The following CCDC91 variants were observed in gnomAD, a reference collection of about 807,000 sequenced individuals.
CCDC91 encodes coiled-coil domain containing 91.
Under a neutral mutation model 63.2 loss-of-function variants are expected in CCDC91, and 48 were observed. That is an observed-to-expected ratio of 0.76 (90% CI 0.60 to 0.97). The LOEUF (loss-of-function observed/expected upper bound fraction) is 0.97, where lower values mean the gene tolerates loss of function less well. Among genes scored for constraint, CCDC91 ranks in the 50% least tolerant of loss-of-function variants. The probability of loss-of-function intolerance (pLI) is 0.00; values close to 1 mark genes in which losing one functional copy is unlikely to be tolerated. For synonymous variants in CCDC91, 167 were observed against 165.8 expected (o/e 1.01, Z -0.06); for missense variants, 500 against 494.6 (o/e 1.01, Z -0.10).
At chr12:28,428,234 A>C (rs1948433352) in intron 8 of CCDC91, among the ~76,000 whole-genome samples, 1 of 152,114 alleles carries the variant, frequency 6.6e-6, no homozygotes, top group South Asian at 2.1e-4. Flanking sequence ...ATTGTATAAT[A>C]GATATTTTAT....
chr12:28,351,117 A>G (rs1350093325), intron 6 of CCDC91, among the ~76,000 whole-genome samples: 1 of 152,200 alleles, frequency 6.6e-6, no homozygotes, highest in African/African-American at 2.4e-5. Flanking sequence ...ATAAAACATC[A>G]GCTTTACATT....
At chr12:28,338,165 G>A (rs1478810913) in intron 6 of CCDC91, among the ~76,000 whole-genome samples, 3 of 151,916 alleles carry the variant, frequency 2.0e-5, no homozygotes, top group South Asian at 2.1e-4. Flanking sequence ...GTAGGATATG[G>A]TCTTTTATAT....
At chr12:28,433,604 A>G (rs1437142417) in intron 8 of CCDC91, among the ~76,000 whole-genome samples, 16 of 151,944 alleles carry the variant, frequency 1.1e-4, no homozygotes, top group Admixed American at 9.9e-4. Context: ...TTTGATTACT[A>G]TAGCTTTATA....
intron 12 of CCDC91, among the ~76,000 whole-genome samples, chr12:28,545,121 A>T (rs971003288): frequency 2.0e-5 from 3 of 152,022 alleles, no homozygotes; most frequent in Non-Finnish European, 4.4e-5. Flanking sequence ...CTCTATTATG[A>T]AGAGATTTTT....
At chr12:28,432,429 A>G (rs925875728) in intron 8 of CCDC91, among the ~76,000 whole-genome samples, 3 of 151,970 alleles carry the variant, frequency 2.0e-5, no homozygotes. Context: ...TGATGGTTAT[A>G]TAAATGGTAG....
chr12:28,401,812 G>A (rs890726370), intron 8 of CCDC91, among the ~76,000 whole-genome samples: 1 of 152,084 alleles, frequency 6.6e-6, no homozygotes, highest in Non-Finnish European at 1.5e-5. Context: ...CTAACCATAT[G>A]TCACAAAGAT....
chr12:28,450,129 C>T (rs766503385), intron 8 of CCDC91, 32 bp from the exon 9 acceptor site: 8 of 1,256,004 alleles, frequency 6.4e-6, no homozygotes, highest in Non-Finnish European at 3.4e-6. Context: ...TGTCTCAGAG[C>T]CATAATATAA....
intron 3 of CCDC91, among the ~76,000 whole-genome samples, chr12:28,264,585 C>CTGTCTGTGTG (rs1555169638): frequency 2.2e-5 from 3 of 137,258 alleles, no homozygotes; most frequent in Non-Finnish European, 4.6e-5. Context: ...ATATGTCTGT[C>CTGTCTGTGTG]TGTGTGTGTG....
intron 7 of CCDC91, among the ~76,000 whole-genome samples, chr12:28,389,213 C>T (rs1023729641): frequency 2.0e-5 from 3 of 152,090 alleles, no homozygotes; most frequent in African/African-American, 7.2e-5. Flanking sequence ...AACTTTCTTT[C>T]TCTGATACCC....
chr12:28,419,589 G>A (rs777245882), intron 8 of CCDC91, among the ~76,000 whole-genome samples: 9 of 151,990 alleles, frequency 5.9e-5, no homozygotes, highest in South Asian at 2.1e-4. Context: ...ATTGACAGAC[G>A]TTTTGTAAGT....
At chr12:28,306,380 TTAAAA>T (rs1938730131) in intron 4 of CCDC91, among the ~76,000 whole-genome samples, 1 of 152,070 alleles carries the variant, frequency 6.6e-6, no homozygotes, top group Non-Finnish European at 1.5e-5. Flanking sequence ...GATTTACAGT[TTAAAA>T]TATAAACAAA....
chr12:28,205,918 G>A (rs999211543), intron 1 of CCDC91, among the ~76,000 whole-genome samples: 3 of 152,156 alleles, frequency 2.0e-5, no homozygotes, highest in Admixed American at 6.5e-5. Flanking sequence ...TTGAGAGATT[G>A]AGCACAACTT....
At chr12:28,235,851 G>A (rs775876560) in intron 1 of CCDC91, among the ~76,000 whole-genome samples, 1 of 151,890 alleles carries the variant, frequency 6.6e-6, no homozygotes, top group Non-Finnish European at 1.5e-5. Context: ...TTGTGTATGA[G>A]GAGGTAAATT....
intron 1 of CCDC91, among the ~76,000 whole-genome samples, chr12:28,201,248 C>T (rs879093136): frequency 2.0e-5 from 3 of 147,812 alleles, no homozygotes; most frequent in African/African-American, 5.0e-5. Flanking sequence ...GGCTGCAGGG[C>T]GGAGGGGCTC....
At chr12:28,485,895 G>A (rs1248763108) in intron 12 of CCDC91, among the ~76,000 whole-genome samples, 1 of 152,138 alleles carries the variant, frequency 6.6e-6, no homozygotes, top group African/African-American at 2.4e-5. Context: ...TTGCAATTGT[G>A]AAAGAACTTA....
At chr12:28,499,722 A>G (rs1952521768) in intron 12 of CCDC91, among the ~76,000 whole-genome samples, 1 of 151,974 alleles carries the variant, frequency 6.6e-6, no homozygotes, top group Non-Finnish European at 1.5e-5. Flanking sequence ...TATGTGCCAC[A>G]TTTTCTTTAT....
chr12:28,397,725 T>C (rs1946374590), intron 8 of CCDC91, among the ~76,000 whole-genome samples: 2 of 152,314 alleles, frequency 1.3e-5, no homozygotes, highest in East Asian at 1.9e-4. Flanking sequence ...CAAATTCCTA[T>C]AAAGGATAAG....
At chr12:28,324,624 G>C (rs1940813745) in intron 6 of CCDC91, among the ~76,000 whole-genome samples, 2 of 151,480 alleles carry the variant, frequency 1.3e-5, no homozygotes, top group Admixed American at 1.3e-4. Flanking sequence ...TTTTCCTTAG[G>C]ATTAACGTCA....
intron 3 of CCDC91, among the ~76,000 whole-genome samples, chr12:28,279,004 A>G (rs1291177677): frequency 1.3e-5 from 2 of 152,042 alleles, no homozygotes; most frequent in Non-Finnish European, 2.9e-5. Context: ...TACGATTACA[A>G]TGATAATATA....
Sources: allele counts gnomAD v4.1 joint callset (sites outside exome capture counted in the v4.1 genomes callset), GRCh38; gene constraint gnomAD v4.1.1; transcripts MANE v1.5; gene names NCBI Gene and HGNC (gene_info 2026-07-23, HGNC 2026-07-21).